Variants in BLVRA observed in about 807,000 individuals in gnomAD.
BLVRA encodes biliverdin reductase A, also known as BVR A.
Under a neutral mutation model 32.8 loss-of-function variants are expected in BLVRA, and 22 were observed. The ratio of observed to expected loss-of-function variants is 0.67; its 90% CI spans 0.48 to 0.96. The LOEUF is 0.96. Among genes scored for constraint, BLVRA ranks in the 40% least tolerant of loss-of-function variants. The probability of loss-of-function intolerance (pLI) is 0.00; values close to 1 mark genes in which losing one functional copy is unlikely to be tolerated. For synonymous variants in BLVRA, 119 were observed against 141.3 expected (o/e 0.84, Z 1.12); for missense variants, 323 against 358.1 (o/e 0.90, Z 0.79).
Position 43,771,169 on chromosome 7 carries a change from A to G in BLVRA, c.11A>G (p.Glu4Gly), listed in dbSNP as rs540271823. 5.6e-6 allele frequency: 9 copies of G among 1,613,906 alleles called. No individual in the cohort carries two copies. The African/African-American group carries it at 8.0e-5, about 14-fold the overall frequency. MNA[E>G]PERKFGVVVV... is the part of the protein sequence containing the mutation. ...AAGGAAGAGACCAAGATGAATGCAG[A>G]GGTGAGTTCTTTACAAAGACCAGTT... Residue 4 changes from glutamate (E) to glycine (G), a missense_variant and splice_region_variant, in exon 2 of 8, where the codon GAG (glutamate) becomes GGG (glycine). Physicochemically the swap from Glu to Gly is moderately conservative, Grantham distance 98. Coordinates refer to ENST00000265523, the MANE Select transcript of BLVRA (RefSeq NM_000712.4).
intron 5 of BLVRA, 124 bp from the exon 6 acceptor site, chr7:43,800,341 C>A: frequency 1.1e-6 from 1 of 890,514 alleles, no homozygotes; most frequent in Non-Finnish European, 1.8e-6. Flanking sequence ...GCCATCCTGG[C>A]CATGTGCCCA....
chr7:43,771,873 G>C (rs2095755063), intron 2 of BLVRA, among the ~76,000 whole-genome samples: 1 of 152,200 alleles, frequency 6.6e-6, no homozygotes, highest in South Asian at 2.1e-4. Flanking sequence ...TGAACCCCCA[G>C]CTCCAGGCTT....
chr7:43,759,572 T>C (rs1294018866), intron 1 of BLVRA, among the ~76,000 whole-genome samples: 1 of 152,210 alleles, frequency 6.6e-6, no homozygotes, highest in Admixed American at 6.5e-5. Context: ...CTTAGTAGGA[T>C]AGCCCTGAAG....
intron 7 of BLVRA, among the ~76,000 whole-genome samples, chr7:43,806,043 T>C (rs1438384049): frequency 6.6e-6 from 1 of 152,258 alleles, no homozygotes; most frequent in African/African-American, 2.4e-5. Context: ...CCGGGCACAA[T>C]GGCTCACGCC....
At chr7:43,790,991 A>G (rs569131839) in intron 3 of BLVRA, among the ~76,000 whole-genome samples, 1 of 152,270 alleles carries the variant, frequency 6.6e-6, no homozygotes, top group South Asian at 2.1e-4. Flanking sequence ...TGTTTTGGAG[A>G]TGAAGTAATT....
intron 2 of BLVRA, among the ~76,000 whole-genome samples, chr7:43,773,763 A>C (rs1021020775): frequency 1.3e-5 from 2 of 152,198 alleles, no homozygotes; most frequent in Non-Finnish European, 2.9e-5. Flanking sequence ...CAACAGTGTA[A>C]AAGTGTTCTT....
Position 43,787,849 on chromosome 7 carries a change from T to C in BLVRA, c.13-55T>C, listed in dbSNP as rs1278318005. On this transcript the variant is annotated intron_variant, in intron 2 of 7. Transcript: ENST00000265523. The surrounding 1 kb of genome is among the most constrained non-coding windows in gnomAD (Gnocchi z 4.5). Reference sequence around the variant, plus strand: ...CTGCCAGCTCCTTTGTTTTGTAGTTTTCTGCTCGATGCCTACAGTGTTTTC... The same window carrying C: ...CTGCCAGCTCCTTTGTTTTGTAGTTCTCTGCTCGATGCCTACAGTGTTTTC... The C allele has an allele frequency of 3.1e-6, 5 of 1,613,966 alleles. No individual in the cohort carries two copies. The Admixed American group carries it at 5.0e-5, about 16-fold the overall frequency.
chr7:43,767,474 A>C (rs943585679), intron 1 of BLVRA: 2 of 1,389,048 alleles, frequency 1.4e-6, no homozygotes, highest in Non-Finnish European at 2.0e-6. Flanking sequence ...TGGGATATCC[A>C]ATAAGGACAG....
chr7:43,803,273 AAAGAGGATATAT>A (rs1470508617), intron 6 of BLVRA, among the ~76,000 whole-genome samples: 2 of 151,014 alleles, frequency 1.3e-5, no homozygotes, highest in Non-Finnish European at 2.9e-5. Flanking sequence ...TTAAATCACT[AAAGAGGATATAT>A]ATATATGTAT....
intron 1 of BLVRA, chr7:43,767,500 T>C (rs1217682837): frequency 1.6e-6 from 2 of 1,265,772 alleles, no homozygotes; most frequent in African/African-American, 2.9e-5. Flanking sequence ...TTTATGCTGC[T>C]ATTGTTGCCG....
chr7:43,805,237 A>G (rs955003489), intron 7 of BLVRA, among the ~76,000 whole-genome samples: 2 of 150,928 alleles, frequency 1.3e-5, no homozygotes, highest in Admixed American at 6.6e-5. Flanking sequence ...GTAGAAGTCA[A>G]TGAGGAAGCA....
At chr7:43,772,575 A>C (rs538286792) in intron 2 of BLVRA, among the ~76,000 whole-genome samples, 2 of 152,360 alleles carry the variant, frequency 1.3e-5, no homozygotes, top group South Asian at 4.1e-4. Flanking sequence ...TGCTGCTATA[A>C]AGAACTGCCC....
chr7:43,800,872 A>T (rs1357350823), intron 6 of BLVRA, among the ~76,000 whole-genome samples: 1 of 152,176 alleles, frequency 6.6e-6, no homozygotes, highest in East Asian at 1.9e-4. Context: ...AGAGGAGAAC[A>T]TTTTTATACT....
chr7:43,763,954 C>T (rs1302894115), intron 1 of BLVRA, among the ~76,000 whole-genome samples: 6 of 152,118 alleles, frequency 3.9e-5, no homozygotes, highest in African/African-American at 1.4e-4. Flanking sequence ...ATGATATAGT[C>T]AGTGTAGAGA....
chr7:43,795,103 C>A (rs1472056315), intron 5 of BLVRA, among the ~76,000 whole-genome samples: 1 of 151,960 alleles, frequency 6.6e-6, no homozygotes, highest in African/African-American at 2.4e-5. Flanking sequence ...CCCAGCTACT[C>A]CAGAGGCTAA....
intron 2 of BLVRA, among the ~76,000 whole-genome samples, chr7:43,777,935 T>C (rs555903165): frequency 6.6e-6 from 1 of 152,254 alleles, no homozygotes; most frequent in Non-Finnish European, 1.5e-5. Flanking sequence ...TTGATCGCAT[T>C]GGCTCCTGAG....
At position 43,787,832 on chromosome 7, in the gene BLVRA, T is replaced by C. The variant is rs1161310708; in HGVS notation, c.13-72T>C. On this transcript the variant is annotated intron_variant, in intron 2 of 7. Transcript: ENST00000265523. The surrounding 1 kb of genome is among the most constrained non-coding windows in gnomAD (Gnocchi z 4.5). ...TCTTGCTCGTCGGGACCCTGCCAGC[T>C]CCTTTGTTTTGTAGTTTTCTGCTCG... 1.2e-6 allele frequency: 2 copies of C among 1,612,752 alleles called. No homozygotes were observed. Among genetic ancestry groups the C allele is most frequent in the Admixed American group, 3.3e-5 (2 of 59,998 alleles).
At chr7:43,786,593 G>C (rs2095777859) in intron 2 of BLVRA, among the ~76,000 whole-genome samples, 1 of 152,180 alleles carries the variant, frequency 6.6e-6, no homozygotes, top group East Asian at 1.9e-4. Flanking sequence ...CTTTTCAAGT[G>C]TGCCCAGAAC....
At chr7:43,766,936 G>T (rs935175136) in intron 1 of BLVRA, among the ~76,000 whole-genome samples, 1 of 152,194 alleles carries the variant, frequency 6.6e-6, no homozygotes, top group African/African-American at 2.4e-5. Context: ...GTTCGACGTT[G>T]CAGTGAGCTG....
Sources: gnomAD v4.1 joint callset for allele counts (sites outside exome capture counted in the v4.1 genomes callset) on GRCh38, gnomAD v4.1.1 for gene constraint, Gnocchi (gnomAD v3.1) non-coding constraint, MANE v1.5 for transcripts, NCBI Gene and HGNC (gene_info 2026-07-23, HGNC 2026-07-21) for gene names.